ELOC: variants seen among roughly 807,000 people sequenced by gnomAD.
ELOC encodes elongin-C.
For synonymous variants in ELOC, 40 were observed against 51.3 expected (o/e 0.78, Z 0.94); for missense variants, 38 against 139.0 (o/e 0.27, Z 3.65).
At chr8:73,947,903 G>C (rs10441545) in intron 3 of ELOC, among the ~76,000 whole-genome samples, 319 of 152,140 alleles carry the variant, frequency 2.1e-3, no homozygotes, top group African/African-American at 7.3e-3. Flanking sequence ...TACTAAAATA[G>C]TACTTGAGGG....
chr8:73,970,936 A>G (rs1815334376), intron 1 of ELOC, among the ~76,000 whole-genome samples: 1 of 146,880 alleles, frequency 6.8e-6, no homozygotes, highest in African/African-American at 2.5e-5. Flanking sequence ...CCAGAGGCTG[A>G]GGCAGGAGAA....
intron 1 of ELOC, among the ~76,000 whole-genome samples, chr8:73,960,726 T>C (rs563031480): frequency 6.6e-6 from 1 of 152,306 alleles, no homozygotes; most frequent in South Asian, 2.1e-4. Flanking sequence ...TTCTGGATCT[T>C]GTATTTAGTA....
intron 1 of ELOC, among the ~76,000 whole-genome samples, chr8:73,960,142 G>A (rs113663771): frequency 0.013 from 1,928 of 152,274 alleles, 31 homozygotes; most frequent in African/African-American, 0.038. Flanking sequence ...AGTAACAGAC[G>A]TGTAAAAATG....
intron 3 of ELOC, among the ~76,000 whole-genome samples, chr8:73,950,775 T>C (rs1379384244): frequency 6.6e-6 from 1 of 152,202 alleles, no homozygotes; most frequent in Non-Finnish European, 1.5e-5. Flanking sequence ...ACTATGAGTT[T>C]ACAGAATAAA....
rs1173631757 is a variant in ELOC at position 73,946,401 on chromosome 8, T to C, written c.*229A>G. ...AGGATAAGGCAAAACCACCTACGAA[T>C]TGGCATATTTGTTTATTTCTCAGTT... On this transcript the variant is annotated 3_prime_UTR_variant, in exon 4 of 4. Coordinates refer to ENST00000520242, the MANE Select transcript of ELOC (RefSeq NM_005648.4). 16 of 411,524 alleles carry C rather than the reference T, an allele frequency of 3.9e-5. No individual in the cohort carries two copies. Among genetic ancestry groups the C allele is most frequent in the African/African-American group, 1.2e-4 (6 of 50,156 alleles). The allele number at this position is 411,524 out of a possible 1,614,324, so 25.5% of individuals were successfully genotyped here.
At chr8:73,965,299 G>A (rs1348585721) in intron 1 of ELOC, among the ~76,000 whole-genome samples, 1 of 152,100 alleles carries the variant, frequency 6.6e-6, no homozygotes, top group African/African-American at 2.4e-5. Flanking sequence ...ATACAGCCAC[G>A]AGTATAGCTA....
chr8:73,948,729 G>A (rs938185759), intron 3 of ELOC, among the ~76,000 whole-genome samples: 1 of 152,128 alleles, frequency 6.6e-6, no homozygotes, highest in Non-Finnish European at 1.5e-5. Context: ...CAGCTACTGG[G>A]GAGGCTCAGG....
At chr8:73,959,664 G>A (rs1046432118) in intron 2 of ELOC, 101 bp downstream of exon 2, 2 of 987,792 alleles carry the variant, frequency 2.0e-6, no homozygotes, top group Non-Finnish European at 2.9e-6. Flanking sequence ...ACTAATTTCA[G>A]TCTACTGAAA....
chr8:73,964,445 T>C (rs1451636280), intron 1 of ELOC: 1 of 152,122 alleles, frequency 6.6e-6, no homozygotes, highest in African/African-American at 2.4e-5. Flanking sequence ...CAACTTAAAA[T>C]GCAAAATAAG....
chr8:73,968,203 T>G (rs1184137764), intron 1 of ELOC, among the ~76,000 whole-genome samples: 1 of 152,204 alleles, frequency 6.6e-6, no homozygotes, highest in Non-Finnish European at 1.5e-5. Flanking sequence ...AGGACTTCTG[T>G]TTCTTCATCT....
At position 73,958,803 on chromosome 8, in the gene ELOC, T is replaced by G. The variant is rs188939077; in HGVS notation, c.4+962A>C. 4.4e-3 allele frequency among the ~76,000 whole-genome samples: 670 copies of G among 152,296 alleles called. 1 individual carries two copies. Among genetic ancestry groups the G allele is most frequent in the African/African-American group, 0.015 (617 of 41,568 alleles). On this transcript the variant is annotated intron_variant, in intron 2 of 3. Transcript: ENST00000520242. ...TACTGATCTGCCTGTCGGGAATATA[T>G]AGTCATGCATTGCTTAACGATGGAG...
chr8:73,947,832 C>T (rs925984871), intron 3 of ELOC, among the ~76,000 whole-genome samples: 1 of 152,068 alleles, frequency 6.6e-6, no homozygotes, highest in Non-Finnish European at 1.5e-5. Flanking sequence ...GCCTCAGAAT[C>T]CCAAAGTGCT....
intron 1 of ELOC, among the ~76,000 whole-genome samples, chr8:73,961,331 T>C (rs1004761804): frequency 6.6e-6 from 1 of 152,198 alleles, no homozygotes; most frequent in Non-Finnish European, 1.5e-5. Context: ...AAATGAACCA[T>C]AACACTTCAA....
Position 73,962,092 on chromosome 8 carries a change from C to T in ELOC, c.-50-2274G>A, listed in dbSNP as rs1328470677. On this transcript the variant is annotated intron_variant, in intron 1 of 3. Coordinates refer to ENST00000520242, the MANE Select transcript of ELOC (RefSeq NM_005648.4). ...TGTATTTTCAGTAGAGACGGGGTTT[C>T]ACCATGTTGGCCAGGCTGGTCTTGA... Among the ~76,000 whole-genome samples the T allele has an allele frequency of 4.6e-5, 7 of 152,088 alleles. No individual in the cohort carries two copies. The East Asian group carries it at 9.7e-4, about 21-fold the overall frequency.
chr8:73,965,181 A>T (rs923249631), intron 1 of ELOC, among the ~76,000 whole-genome samples: 1 of 149,110 alleles, frequency 6.7e-6, no homozygotes, highest in East Asian at 1.9e-4. Flanking sequence ...GTATGTCAAT[A>T]AAAAAAAAAT....
At chr8:73,951,440 A>G (rs539828729) in intron 3 of ELOC, among the ~76,000 whole-genome samples, 6 of 152,056 alleles carry the variant, frequency 3.9e-5, no homozygotes, top group Non-Finnish European at 7.4e-5. Context: ...CCAAGTTGGG[A>G]GGACTGCTTG....
At chr8:73,961,576 C>T (rs1004411555) in intron 1 of ELOC, among the ~76,000 whole-genome samples, 5 of 151,072 alleles carry the variant, frequency 3.3e-5, no homozygotes, top group Admixed American at 6.6e-5. Context: ...TGCAGAAGCA[C>T]GATCTCAGCT....
intron 1 of ELOC, among the ~76,000 whole-genome samples, chr8:73,960,363 C>T (rs1586610248): frequency 6.6e-6 from 1 of 152,074 alleles, no homozygotes; most frequent in South Asian, 2.1e-4. Flanking sequence ...TTGGAATTTC[C>T]CTAGTGATAC....
Position 73,953,556 on chromosome 8 carries a change from T to C in ELOC, c.148+2355A>G, listed in dbSNP as rs187897553. On this transcript the variant is annotated intron_variant, in intron 3 of 3. Transcript: ENST00000520242. The stretch of plus-strand genomic sequence containing the variant: ...TGGGCGTGGGGGCGCATGCCTGTAA[T>C]CACAGCTGCAGGAGAATCGCTTGAA... 2.0e-3 allele frequency among the ~76,000 whole-genome samples: 290 copies of C among 146,232 alleles called. 2 individuals carry two copies. In the East Asian group the frequency reaches 0.02, roughly 10 times the overall value.
Sources: gnomAD v4.1 joint callset for allele counts (sites outside exome capture counted in the v4.1 genomes callset) on GRCh38, gnomAD v4.1.1 for gene constraint, MANE v1.5 for transcripts, NCBI Gene and HGNC (gene_info 2026-07-23, HGNC 2026-07-21) for gene names.